Variants in RNASET2 observed in about 807,000 individuals in gnomAD.
RNASET2 encodes ribonuclease T2.
RNASET2 carries 28 observed loss-of-function variants against 33.9 expected under a neutral mutation model. That is an observed-to-expected ratio of 0.83 (90% CI 0.61 to 1.13). The LOEUF is 1.13. Ranked by LOEUF, RNASET2 falls within the 50% of genes most tolerant of loss-of-function variation. The pLI is 0.00. For missense variants in RNASET2, 330 were observed against 319.9 expected (o/e 1.03, Z -0.24); for synonymous variants, 123 against 121.0 (o/e 1.02, Z -0.11).
Position 166,928,540 on chromosome 6 carries a change from T to C in RNASET2, c.*1048A>G, listed in dbSNP as rs942728226. ...ACAATGCCTGGCACATAGTAAGTTC[T>C]ATTTTAAATGTATATTGAATAAAAC... On this transcript the variant is annotated 3_prime_UTR_variant, in exon 9 of 9. Coordinates refer to ENST00000508775, the MANE Select transcript of RNASET2 (RefSeq NM_003730.6). Among the ~76,000 whole-genome samples the C allele has an allele frequency of 1.3e-5, 2 of 151,788 alleles. No individual in the cohort carries two copies. Among genetic ancestry groups the C allele is most frequent in the Non-Finnish European group, 1.5e-5 (1 of 67,998 alleles).
rs755838611 is a variant in RNASET2 at position 166,929,706 on chromosome 6, T to A, written c.653A>T (p.Glu218Val). ...QQLQNCTEPG[E>V]QPSPKQEVWL... ...GACTTCCTGCTTGGGGGACGGCTGC[T>A]CCCCCGGCTCGGTGCAGTTTTGCAG... The change falls in exon 9 of 9, where the codon GAG becomes GTG. Residue 218 changes from glutamate (E) to valine (V), a missense_variant. Transcript: ENST00000508775. 1 of 1,613,980 alleles carries A rather than the reference T, an allele frequency of 6.2e-7. No individual in the cohort carries two copies. Among genetic ancestry groups the A allele is most frequent in the Non-Finnish European group, 8.5e-7 (1 of 1,180,006 alleles).
Position 166,929,652 on chromosome 6 carries a change from C to T in RNASET2, c.707G>A (p.Arg236Gln), listed in dbSNP as rs146590748. The T allele has an allele frequency of 8.5e-4, 1,366 of 1,614,072 alleles. 4 individuals are homozygous for T. The highest frequency in any genetic ancestry group is 3.6e-3 in the East Asian group (160 of 44,878). The part of the protein sequence containing the change: ...VWLANGAAES[R>Q]GLRVCEDGPV... Reference sequence around the variant, plus strand: ...GCCATCTTCACAGACTCTCAGACCCCGGCTCTCGGCGGCCCCATTTGCCAG... The same window carrying T: ...GCCATCTTCACAGACTCTCAGACCCTGGCTCTCGGCGGCCCCATTTGCCAG... Residue 236 changes from arginine (R) to glutamine (Q), a missense_variant, in exon 9 of 9, where the codon CGG (arginine) becomes CAG (glutamine). By Grantham distance (43) the Arg-to-Gln change is conservative. Transcript: ENST00000508775.
At chr6:166,945,298 C>A (rs1778806262) in intron 4 of RNASET2, 1 of 157,446 alleles carries the variant, frequency 6.4e-6, no homozygotes, top group Non-Finnish European at 1.4e-5. Context: ...ATGTCACCCC[C>A]TGGAGGTCTC....
Position 166,925,733 on chromosome 6 carries a change from A to C in RNASET2, c.*3855T>G, listed in dbSNP as rs1318332854. 1.3e-5 allele frequency among the ~76,000 whole-genome samples: 2 copies of C among 152,240 alleles called. No homozygotes were observed. Among genetic ancestry groups the C allele is most frequent in the African/African-American group, 4.8e-5 (2 of 41,458 alleles). On this transcript the variant is annotated 3_prime_UTR_variant, in exon 9 of 9. Transcript: ENST00000508775. The stretch of plus-strand genomic sequence containing the variant: ...GCAGAGCCACCCAGGACTGCAAAAG[A>C]ACTCTTAACGGCCAACCATGGAACT...
chr6:166,950,460 G>A (rs3798307), intron 2 of RNASET2, among the ~76,000 whole-genome samples: 33,402 of 152,174 alleles, frequency 0.22, 4,428 homozygotes, highest in East Asian at 0.42. Context: ...TTTCATTTTC[G>A]TTTGTCATCA....
In RNASET2 at chr6:166,956,504, A is replaced by G. The variant is rs2247325; in HGVS notation, c.-322T>C. Reference sequence around the variant, plus strand: ...GACCCACAGCGACCCCAGCTCCTCCACGCTGCAGCCGCCGTCCGCCCACGA... The same window carrying G: ...GACCCACAGCGACCCCAGCTCCTCCGCGCTGCAGCCGCCGTCCGCCCACGA... On this transcript the variant is annotated 5_prime_UTR_variant, in exon 1 of 9. Transcript: ENST00000508775. 0.46 allele frequency: 181,703 copies of G among 396,526 alleles called. 45,908 individuals carry two copies. The highest frequency in any genetic ancestry group is 0.7 in the African/African-American group (32,056 of 45,880). 24.6% of individuals were successfully genotyped at this position (396,526 alleles called of 1,614,324 possible). A position where few individuals can be genotyped will look rare whatever the true frequency, so the allele number is the denominator to read the frequency against.
At chr6:166,952,613 A>AC in intron 1 of RNASET2, 65 bp from the exon 2 acceptor site, 1 of 1,230,444 alleles carries the variant, frequency 8.1e-7, no homozygotes, top group Non-Finnish European at 1.2e-6. Context: ...AAATTCATCC[A>AC]CCCATCCATC....
chr6:166,955,359 ACACG>A (rs1779127671), intron 1 of RNASET2: 2 of 241,162 alleles, frequency 8.3e-6, no homozygotes, highest in South Asian at 5.0e-4. Flanking sequence ...ACGCACACAC[ACACG>A]CACACACAAA....
Position 166,922,710 on chromosome 6 carries a change from C to T in RNASET2, c.*6878G>A, listed in dbSNP as rs558697431. On this transcript the variant is annotated 3_prime_UTR_variant, in exon 9 of 9. Transcript: ENST00000508775. ...TTATCTTTGGGCCACTGCTGACTAT[C>T]TTTTCTCAATTCAGGTTAAATATTT... Among the ~76,000 whole-genome samples the T allele has an allele frequency of 2.0e-5, 3 of 152,218 alleles. No individual in the cohort carries two copies. Among genetic ancestry groups the T allele is most frequent in the African/African-American group, 7.2e-5 (3 of 41,460 alleles).
At chr6:166,955,357 A>ATG (rs1779126688) in intron 1 of RNASET2, 1 of 206,246 alleles carries the variant, frequency 4.8e-6, no homozygotes, top group African/African-American at 5.6e-5. Flanking sequence ...GCACGCACAC[A>ATG]CACACGCACA....
chr6:166,931,399 T>C, intron 7 of RNASET2: 1 of 498,888 alleles, frequency 2.0e-6, no homozygotes, highest in Non-Finnish European at 3.6e-6. Flanking sequence ...TCCCAGTGTC[T>C]TTCTGGGCCC....
chr6:166,956,408 G>C lies in RNASET2; in HGVS notation c.-226C>G. The C allele has an allele frequency of 1.7e-6, 1 of 583,670 alleles. No homozygotes were observed. Among genetic ancestry groups the C allele is most frequent in the Non-Finnish European group, 3.1e-6 (1 of 327,636 alleles). The allele number at this position is 583,670 out of a possible 1,614,324, so 36.2% of individuals were successfully genotyped here. ...TCCGGGAATGGCCGCAGCAGCCCTGGCGACCCGGGCCCCTCGGAGCTCCCC... is the reference window on the plus strand; with the variant it reads ...TCCGGGAATGGCCGCAGCAGCCCTGCCGACCCGGGCCCCTCGGAGCTCCCC... On this transcript the variant is annotated 5_prime_UTR_variant, in exon 1 of 9. Transcript: ENST00000508775.
chr6:166,934,087 T>C lies in RNASET2; in HGVS notation c.492+4A>G. 1 of 1,608,606 alleles carries C rather than the reference T, an allele frequency of 6.2e-7. No individual in the cohort carries two copies. Among genetic ancestry groups the C allele is most frequent in the South Asian group, 1.1e-5 (1 of 90,944 alleles). Reference sequence around the variant, plus strand: ...ACGAGAAAAGAAGCAAAAGCAAGACTTACTTGGTAGTAATTGATGGATGGT... The same window carrying C: ...ACGAGAAAAGAAGCAAAAGCAAGACCTACTTGGTAGTAATTGATGGATGGT... On this transcript the variant is annotated splice_donor_region_variant and intron_variant, in intron 7 of 8. Transcript: ENST00000508775.
chr6:166,945,147 C>T (rs547705587), intron 4 of RNASET2: 2 of 171,034 alleles, frequency 1.2e-5, no homozygotes, highest in Admixed American at 1.3e-4. Context: ...CTCATCCACC[C>T]ACGTCCACAC....
chr6:166,956,545 T>C lies in RNASET2; in HGVS notation c.-363A>G, dbSNP rs2128648846. ...CCGCCCACGACCACGGTCAGTCGCG[T>C]TGCTCCCAGCCCAGGGCGCCCTGCG... On this transcript the variant is annotated 5_prime_UTR_variant, in exon 1 of 9. Transcript: ENST00000508775. 1 of 319,696 alleles carries C rather than the reference T, an allele frequency of 3.1e-6. No homozygotes were observed. Among genetic ancestry groups the C allele is most frequent in the Non-Finnish European group, 5.9e-6 (1 of 169,210 alleles). The allele number at this position is 319,696 out of a possible 1,614,324, so 19.8% of individuals were successfully genotyped here.
chr6:166,949,877 T>G (rs1778941639), intron 2 of RNASET2, among the ~76,000 whole-genome samples: 3 of 152,196 alleles, frequency 2.0e-5, no homozygotes, highest in Non-Finnish European at 4.4e-5. Context: ...ACTGAGCATC[T>G]TTGACACAAG....
chr6:166,945,015 C>T (rs1233000412), intron 4 of RNASET2: 1 of 132,304 alleles, frequency 7.6e-6, no homozygotes, highest in African/African-American at 3.0e-5. Flanking sequence ...CACGTCCACA[C>T]CTGTCAGCCC....
intron 6 of RNASET2, among the ~76,000 whole-genome samples, chr6:166,935,493 C>T (rs1456808262): frequency 6.6e-6 from 1 of 152,124 alleles, no homozygotes; most frequent in Non-Finnish European, 1.5e-5. Context: ...CAGCATCATG[C>T]TTTCTGCTGA....
intron 5 of RNASET2, among the ~76,000 whole-genome samples, chr6:166,941,487 T>A (rs1778692309): frequency 6.6e-6 from 1 of 152,218 alleles, no homozygotes; most frequent in South Asian, 2.1e-4. Context: ...CCATTCCAAC[T>A]TATCATGGCC....
Sources: gnomAD v4.1 joint callset for allele counts (sites outside exome capture counted in the v4.1 genomes callset) on GRCh38, gnomAD v4.1.1 for gene constraint, MANE v1.5 for transcripts, NCBI Gene and HGNC (gene_info 2026-07-23, HGNC 2026-07-21) for gene names.